KALRN: variants seen among roughly 807,000 people sequenced by gnomAD.
The protein encoded by KALRN is kalirin.
Under a neutral mutation model 353.7 loss-of-function variants are expected in KALRN, and 70 were observed. The ratio of observed to expected loss-of-function variants is 0.20; its 90% CI spans 0.16 to 0.24. The LOEUF is 0.24. Among genes scored for constraint, KALRN ranks in the 10% least tolerant of loss-of-function variants. The pLI is 1.00. For synonymous variants in KALRN, 1,391 were observed against 1,434.8 expected, an observed-to-expected ratio of 0.97 and a Z score of 0.69; for missense variants, 2,791 against 3,756.7, an observed-to-expected ratio of 0.74 and a Z score of 6.72.
At chr3:124,582,060 G>T (rs2074683157) in intron 34 of KALRN, among the ~76,000 whole-genome samples, 1 of 143,310 alleles carries the variant, frequency 7.0e-6, no homozygotes, top group African/African-American at 2.7e-5. Flanking sequence ...TCACTCTGTT[G>T]CCCAGGCTGG....
chr3:124,306,751 G>A (rs887083540), intron 6 of KALRN, among the ~76,000 whole-genome samples: 1 of 152,040 alleles, frequency 6.6e-6, no homozygotes, highest in African/African-American at 2.4e-5. Context: ...ATAGCAAGAG[G>A]AAAATGACTT....
chr3:124,290,851 T>G (rs1208778441), intron 5 of KALRN, among the ~76,000 whole-genome samples: 3 of 152,254 alleles, frequency 2.0e-5, no homozygotes, highest in East Asian at 1.9e-4. Flanking sequence ...ATCATTGATG[T>G]TATGGAGATA....
intron 1 of KALRN, among the ~76,000 whole-genome samples, chr3:124,214,987 C>T (rs568780127): frequency 1.3e-5 from 2 of 152,312 alleles, no homozygotes; most frequent in South Asian, 4.1e-4. Context: ...TTTCAGTAGG[C>T]ATGCTTCTCA....
In KALRN at chr3:124,434,463, A is replaced by C; in HGVS notation, c.2986A>C (p.Lys996Gln). The part of the protein sequence containing the change: ...VALHWQQLML[K>Q]MEDRLKLVNA... ...CCTCCACTGGCAGCAGCTCATGCTG[A>C]AGATGGAAGACCGGCTAAAATTGGT... Residue 996 changes from lysine to glutamine, a missense_variant, in exon 17 of 60, where the codon AAG (lysine) becomes CAG (glutamine). By Grantham distance (53) the Lys-to-Gln change is moderately conservative (BLOSUM62 1). Around this residue, in one of 11 missense-constraint regions of KALRN, gnomAD observed 452 missense variants for 575.8 expected, o/e 0.78. Transcript: ENST00000682506. 6.2e-7 allele frequency: 1 copy of C among 1,614,244 alleles called. No homozygotes were observed. The highest frequency in any genetic ancestry group is 8.5e-7 in the Non-Finnish European group (1 of 1,180,028).
chr3:124,665,049 G>A (rs1213981943), intron 45 of KALRN, among the ~76,000 whole-genome samples: 1 of 152,212 alleles, frequency 6.6e-6, no homozygotes, highest in Non-Finnish European at 1.5e-5. Flanking sequence ...TGGCAGTAAG[G>A]AGCCATGATC....
At chr3:124,149,469 G>A (rs770546784) in intron 1 of KALRN, among the ~76,000 whole-genome samples, 1 of 152,222 alleles carries the variant, frequency 6.6e-6, no homozygotes, top group East Asian at 1.9e-4. Flanking sequence ...CTGCTGCCCA[G>A]TGTCTAATAA....
intron 57 of KALRN, among the ~76,000 whole-genome samples, chr3:124,707,935 T>C (rs1194967261): frequency 6.6e-6 from 1 of 152,254 alleles, no homozygotes; most frequent in African/African-American, 2.4e-5. Flanking sequence ...CAAAGAAATA[T>C]AGCAAGGCTC....
At chr3:124,443,294 A>G (rs1391626254) in intron 19 of KALRN, among the ~76,000 whole-genome samples, 4 of 152,264 alleles carry the variant, frequency 2.6e-5, no homozygotes, top group Non-Finnish European at 4.4e-5. Flanking sequence ...GCAGAGAAAT[A>G]TAACTCTGGA....
intron 33 of KALRN, among the ~76,000 whole-genome samples, chr3:124,553,346 A>G (rs1343978141): frequency 6.6e-6 from 1 of 152,222 alleles, no homozygotes; most frequent in East Asian, 1.9e-4. Context: ...ATTCAAACCT[A>G]AGCAGTCTAG....
chr3:124,054,142 A>C (rs1341249375), intron 1 of KALRN, among the ~76,000 whole-genome samples: 1 of 152,134 alleles, frequency 6.6e-6, no homozygotes, highest in East Asian at 1.9e-4. Flanking sequence ...CTGGGTAGAG[A>C]TGGCTGCATA....
chr3:124,659,275 C>A, intron 42 of KALRN, 90 bp from the exon 43 acceptor site: 1 of 849,752 alleles, frequency 1.2e-6, no homozygotes, highest in South Asian at 1.4e-5. Context: ...GGAAAACATG[C>A]AGACCTGTCT....
At chr3:124,139,081 A>T (rs188713914) in intron 1 of KALRN, among the ~76,000 whole-genome samples, 2 of 152,198 alleles carry the variant, frequency 1.3e-5, no homozygotes, top group African/African-American at 4.8e-5. Context: ...CAGGGATAAA[A>T]GTCCTTTTGT....
chr3:124,702,081 T>C lies in KALRN; in HGVS notation c.8040T>C (p.Phe2680=), dbSNP rs1440912316. The C allele has an allele frequency of 6.2e-7, 1 of 1,613,756 alleles. No individual in the cohort carries two copies. Among genetic ancestry groups the C allele is most frequent in the Admixed American group, 1.7e-5 (1 of 60,008 alleles). Residue 2680 remains phenylalanine, a synonymous_variant, in exon 57 of 60, where the codon TTT becomes TTC. Coordinates refer to ENST00000682506, the MANE Select transcript of KALRN (RefSeq NM_001388419.1). Reference sequence around the variant, plus strand: ...CCACCATTTCTTGGAAGGAAAATTTTGACTCAGCTTACACTGAGCTGAATG... The same window carrying C: ...CCACCATTTCTTGGAAGGAAAATTTCGACTCAGCTTACACTGAGCTGAATG... ...DGATISWKEN[F]DSAYTELNEI...
rs750940207 is a variant in KALRN at position 124,671,760 on chromosome 3, C to G, written c.6804C>G (p.Ser2268=). 1.2e-6 allele frequency: 2 copies of G among 1,614,042 alleles called. No homozygotes were observed. Among genetic ancestry groups the G allele is most frequent in the Non-Finnish European group, 1.7e-6 (2 of 1,179,988 alleles). Residue 2268 remains serine, a synonymous_variant, in exon 48 of 60, where the codon TCC becomes TCG. Coordinates refer to ENST00000682506, the MANE Select transcript of KALRN (RefSeq NM_001388419.1). ...CCCAAGCCAGCCCCAGGCCCTACTC[C>G]TCTGTTCCTGCGGGCTCAGAGAAGC... ...RLPQASPRPY[S]SVPAGSEKPP... is the part of the protein sequence containing the mutation.
At chr3:124,628,477 T>C (rs1354149118) in intron 34 of KALRN, among the ~76,000 whole-genome samples, 3 of 105,820 alleles carry the variant, frequency 2.8e-5, no homozygotes, top group Non-Finnish European at 6.1e-5. Context: ...TTCCTTCCCT[T>C]CCTTCCCTTC....
At chr3:124,696,984 G>A (rs1454365280) in intron 54 of KALRN, among the ~76,000 whole-genome samples, 2 of 151,994 alleles carry the variant, frequency 1.3e-5, no homozygotes, top group African/African-American at 4.8e-5. Context: ...GCAGTAGCAT[G>A]ACACCACTCA....
At chr3:124,134,587 C>T (rs1026392459) in intron 1 of KALRN, among the ~76,000 whole-genome samples, 20 of 152,148 alleles carry the variant, frequency 1.3e-4, no homozygotes, top group Admixed American at 1.1e-3. Flanking sequence ...AGTAAACAGA[C>T]AACCCACTGA....
intron 33 of KALRN, 81 bp downstream of exon 33, chr3:124,496,494 T>A: frequency 9.9e-7 from 1 of 1,014,260 alleles, no homozygotes; most frequent in Non-Finnish European, 1.6e-6. Context: ...CTAGAGAATT[T>A]CTCTCACTAT....
chr3:124,167,262 G>A (rs150423037), intron 1 of KALRN, among the ~76,000 whole-genome samples: 2 of 152,254 alleles, frequency 1.3e-5, no homozygotes, highest in East Asian at 3.9e-4. Flanking sequence ...AGGAGACTCT[G>A]GTTGCTAGTC....
Sources: allele counts gnomAD v4.1 joint callset (sites outside exome capture counted in the v4.1 genomes callset), GRCh38; gene constraint gnomAD v4.1.1; regional missense constraint gnomAD v4.1.1; transcripts MANE v1.5; gene names NCBI Gene and HGNC (gene_info 2026-07-23, HGNC 2026-07-21).